The following NECAB3 variants were observed in gnomAD, a reference collection of about 807,000 sequenced individuals.
The protein encoded by NECAB3 is N-terminal EF-hand calcium-binding protein 3.
In NECAB3, 38 loss-of-function variants were observed where a neutral mutation model predicts 57.2. The observed-to-expected ratio is 0.66, with a 90% CI of 0.51 to 0.87. The LOEUF (loss-of-function observed/expected upper bound fraction) is 0.87. Among genes scored for constraint, NECAB3 ranks in the 40% least tolerant of loss-of-function variants. The pLI, the probability that NECAB3 is intolerant of heterozygous loss-of-function variation, is 0.00. For missense variants in NECAB3, 474 were observed against 527.5 expected (o/e 0.90, Z 0.99); for synonymous variants, 223 against 222.6 (o/e 1.00, Z -0.02).
At chr20:33,672,282 G>A (rs1188074301) in intron 2 of NECAB3, 116 bp downstream of exon 2, 2 of 1,236,520 alleles carry the variant, frequency 1.6e-6, no homozygotes, top group South Asian at 1.2e-5. Context: ...TCCTGTTTTG[G>A]GCCCCCAAGA....
rs549006668 is a variant in NECAB3, at chr20:33,667,996, G to A, written c.387+1379C>T. The A allele has an allele frequency of 2.7e-5, 42 of 1,546,394 alleles. No homozygotes were observed. Among genetic ancestry groups the A allele is most frequent in the Middle Eastern group, 2.0e-4 (1 of 5,048 alleles). ...CCTGGCAGACACCGTGGTGCTAGCC[G>A]GCGGCTCCACACTGTTTCCTGGCTT... On this transcript the variant is annotated intron_variant, in intron 5 of 11. Transcript: ENST00000246190.
chr20:33,672,375 G>A, intron 2 of NECAB3, 23 bp downstream of exon 2: 2 of 1,614,092 alleles, frequency 1.2e-6, no homozygotes, highest in Non-Finnish European at 1.7e-6. Flanking sequence ...CCCACTGTGG[G>A]ACCCAGGGGA....
chr20:33,660,105 A>T lies in NECAB3; in HGVS notation c.525-102T>A. On this transcript the variant is annotated intron_variant, in intron 6 of 11. Coordinates refer to ENST00000246190, the MANE Select transcript of NECAB3 (RefSeq NM_031232.4). The surrounding 1 kb of genome is among the most constrained non-coding windows in gnomAD (Gnocchi z 4.1). The stretch of plus-strand genomic sequence containing the variant: ...CCTGGGACTCCGAGGCCTAGCCCCA[A>T]AGCCAGTCTCATTTCACCCCGCCAT... 1 of 1,524,200 alleles carries T rather than the reference A, an allele frequency of 6.6e-7. No homozygotes were observed. The highest frequency in any genetic ancestry group is 1.2e-5 in the South Asian group (1 of 80,658). The allele number at this position is 1,524,200 out of a possible 1,614,324, so 94.4% of individuals were successfully genotyped here.
In NECAB3 at chr20:33,669,421, T is replaced by A. The variant is rs1240834512; in HGVS notation, c.341A>T (p.Glu114Val). 6.2e-7 allele frequency: 1 copy of A among 1,613,500 alleles called. No homozygotes were observed. The highest frequency in any genetic ancestry group is 8.5e-7 in the Non-Finnish European group (1 of 1,180,016). The part of the protein sequence containing the change: ...GVYRPVLAAL[E>V]SLNRAVLAAM... ...AGCGAGCACTGCACGGTTCAGCGAT[T>A]CCAATGCAGCCAGCACCGGCCGGTA... Residue 114 changes from glutamate to valine, a missense_variant, in exon 5 of 12, where the codon GAA becomes GTA. Coordinates refer to ENST00000246190, the MANE Select transcript of NECAB3 (RefSeq NM_031232.4).
chr20:33,674,303 G>GGCTGGC lies in NECAB3; in HGVS notation c.49_50insGCCAGC (p.Ala16_Pro17insArgGln). On this transcript the variant is annotated inframe_insertion, in exon 1 of 12. Coordinates refer to ENST00000246190, the MANE Select transcript of NECAB3 (RefSeq NM_031232.4). ...CCGCGGGGTCTGGGGCTGGGGCTGG[G>GGCTGGC]GCGCGGGCGGCCGGAGCAGGCACAC... The GGCTGGC allele has an allele frequency of 8.2e-7, 1 of 1,222,800 alleles. No homozygotes were observed. Among genetic ancestry groups the GGCTGGC allele is most frequent in the Non-Finnish European group, 1.0e-6 (1 of 981,780 alleles). 75.7% of individuals were successfully genotyped at this position (1,222,800 alleles called of 1,614,324 possible).
In NECAB3 at chr20:33,669,572, T is replaced by C. The variant is rs1380034837; in HGVS notation, c.290-100A>G. ...AATTCCTCAGCAGCCAAGCAGGCCT[T>C]ATATCCTGAGCCCAGCCCAACCTGT... On this transcript the variant is annotated intron_variant, in intron 4 of 11. Coordinates refer to ENST00000246190, the MANE Select transcript of NECAB3 (RefSeq NM_031232.4). 4.5e-6 allele frequency: 7 copies of C among 1,547,354 alleles called. No homozygotes were observed. The African/African-American group carries it at 5.4e-5, about 12-fold the overall frequency.
intron 5 of NECAB3, chr20:33,662,925 C>G: frequency 5.9e-6 from 1 of 169,080 alleles, no homozygotes; most frequent in Non-Finnish European, 1.3e-5. Flanking sequence ...ACAGCAAGAC[C>G]CTGTTTGACT....
chr20:33,668,547 A>C, intron 5 of NECAB3: 1 of 310,512 alleles, frequency 3.2e-6, no homozygotes, highest in Admixed American at 4.7e-5. Context: ...GTTCCTCCAA[A>C]CCCTCGTCAT....
chr20:33,658,423 G>A (rs1408519986), intron 10 of NECAB3, 54 bp downstream of exon 10: 4 of 1,560,074 alleles, frequency 2.6e-6, no homozygotes, highest in African/African-American at 2.7e-5. Context: ...ACCCTGGCCT[G>A]ACTCACTCCA....
intron 5 of NECAB3, chr20:33,668,055 G>A: frequency 6.4e-7 from 1 of 1,563,438 alleles, no homozygotes; most frequent in Non-Finnish European, 8.7e-7. Context: ...TGGAGGCGCA[G>A]TGCCGGCGGC....
rs1177472031 is a variant in NECAB3, at chr20:33,660,940, C to A, written c.388-545G>T. The stretch of plus-strand genomic sequence containing the variant: ...TCAGACACACACGCCGGCACTGACC[C>A]CAACCGACACTGCCAGCCTCCTCCC... On this transcript the variant is annotated intron_variant, in intron 5 of 11. Transcript: ENST00000246190. The surrounding 1 kb of genome is among the most constrained non-coding windows in gnomAD (Gnocchi z 4.1). 6.6e-6 allele frequency among the ~76,000 whole-genome samples: 1 copy of A among 152,150 alleles called. No homozygotes were observed. Among genetic ancestry groups the A allele is most frequent in the Non-Finnish European group, 1.5e-5 (1 of 68,030 alleles).
chr20:33,668,024 C>A, intron 5 of NECAB3: 1 of 1,543,576 alleles, frequency 6.5e-7, no homozygotes, highest in South Asian at 1.2e-5. Flanking sequence ...CCTGGCTTCG[C>A]CGAGCGCCTG....
At chr20:33,668,350 AC>A in intron 5 of NECAB3, 4 of 1,381,566 alleles carry the variant, frequency 2.9e-6, no homozygotes, top group Non-Finnish European at 3.8e-6. Context: ...TGGATGGGTC[AC>A]CCCCATACCC....
Position 33,659,584 on chromosome 20 carries a change from GC to G in NECAB3, c.791del (p.Cys264SerfsTer129), listed in dbSNP as rs1181869101. ...PSWYPPEPGP[C>X]WRPGPHSVPS... ...GCACAGAGTGTGGGCCGGGCCTCCA[GC>G]ATGGGCCTGGCTCTGGTGGATACCA... On this transcript the variant is annotated frameshift_variant, in exon 8 of 12. Coordinates refer to ENST00000246190, the MANE Select transcript of NECAB3 (RefSeq NM_031232.4). LOFTEE classifies it high-confidence loss of function. 1.3e-6 allele frequency: 2 copies of G among 1,598,806 alleles called. No individual in the cohort carries two copies. Among genetic ancestry groups the G allele is most frequent in the Non-Finnish European group, 1.7e-6 (2 of 1,172,172 alleles).
intron 5 of NECAB3, chr20:33,666,677 G>C (rs2017661821): frequency 6.6e-6 from 1 of 152,414 alleles, no homozygotes; most frequent in Admixed American, 6.5e-5. Context: ...ATCTCAGCAA[G>C]GGCTGACGGG....
chr20:33,658,468 C>T lies in NECAB3; in HGVS notation c.1070+9G>A, dbSNP rs753733411. Reference sequence around the variant, plus strand: ...TCCATGGTGTTAGCGGCCAGACTGGCACTCATACCTTCTCCAGGAGGCCTC... The same window carrying T: ...TCCATGGTGTTAGCGGCCAGACTGGTACTCATACCTTCTCCAGGAGGCCTC... On this transcript the variant is annotated intron_variant, in intron 10 of 11. Coordinates refer to ENST00000246190, the MANE Select transcript of NECAB3 (RefSeq NM_031232.4). 3.7e-6 allele frequency: 6 copies of T among 1,613,608 alleles called. No individual in the cohort carries two copies. Among genetic ancestry groups the T allele is most frequent in the Non-Finnish European group, 4.2e-6 (5 of 1,179,640 alleles).
At chr20:33,673,048 T>C (rs1409241066) in intron 1 of NECAB3, among the ~76,000 whole-genome samples, 2 of 151,778 alleles carry the variant, frequency 1.3e-5, no homozygotes, top group African/African-American at 4.9e-5. Flanking sequence ...CAGGCGTGTG[T>C]GTACACACAC....
chr20:33,663,209 G>A (rs574730539), intron 5 of NECAB3, among the ~76,000 whole-genome samples: 60 of 152,340 alleles, frequency 3.9e-4, no homozygotes, highest in African/African-American at 1.3e-3. Flanking sequence ...GGCGGGGGTG[G>A]GAGGTGCTGA....
At position 33,658,562 on chromosome 20, in the gene NECAB3, G is replaced by A. The variant is rs1200448600; in HGVS notation, c.993-8C>T. Reference sequence around the variant, plus strand: ...ATCTTCTGGGCGGACACACTGTAGGGCCAAAGAGATGGGCAGGCCAGGCCA... The same window carrying A: ...ATCTTCTGGGCGGACACACTGTAGGACCAAAGAGATGGGCAGGCCAGGCCA... On this transcript the variant is annotated splice_polypyrimidine_tract_variant and splice_region_variant and intron_variant, in intron 9 of 11. Transcript: ENST00000246190. 1.2e-6 allele frequency: 2 copies of A among 1,613,932 alleles called. No individual in the cohort carries two copies. The highest frequency in any genetic ancestry group is 2.7e-5 in the African/African-American group (2 of 75,022).
Sources: gnomAD v4.1 joint callset for allele counts (sites outside exome capture counted in the v4.1 genomes callset) on GRCh38, gnomAD v4.1.1 for gene constraint, Gnocchi (gnomAD v3.1) non-coding constraint, MANE v1.5 for transcripts, NCBI Gene and HGNC (gene_info 2026-07-23, HGNC 2026-07-21) for gene names.